TLL1: variants seen among roughly 807,000 people sequenced by gnomAD.
TLL1 encodes the protein tolloid like 1, also known as tolloid-like protein 1.
Under a neutral mutation model 128.2 loss-of-function variants are expected in TLL1, and 49 were observed. The observed-to-expected ratio is 0.38, with a 90% CI of 0.30 to 0.48. The LOEUF (loss-of-function observed/expected upper bound fraction) is 0.48, where lower values mean the gene tolerates loss of function less well. Among genes scored for constraint, TLL1 ranks in the 20% least tolerant of loss-of-function variants. The pLI is 0.96. For missense variants in TLL1, 1,123 were observed against 1,242.0 expected (o/e 0.90, Z 1.44); for synonymous variants, 454 against 418.8 (o/e 1.08, Z -1.03).
chr4:166,047,031 T>A (rs1159368897), intron 12 of TLL1, among the ~76,000 whole-genome samples: 5 of 152,228 alleles, frequency 3.3e-5, no homozygotes, highest in Non-Finnish European at 5.9e-5. Context: ...TTTATACATA[T>A]TTATGTTGAA....
chr4:166,071,537 T>A (rs2111132969), intron 16 of TLL1, among the ~76,000 whole-genome samples: 1 of 152,060 alleles, frequency 6.6e-6, no homozygotes, highest in Non-Finnish European at 1.5e-5. Flanking sequence ...TGTATGAAAA[T>A]GCCAGAAAAT....
chr4:166,029,168 A>G (rs554429641), intron 9 of TLL1, among the ~76,000 whole-genome samples: 1 of 150,808 alleles, frequency 6.6e-6, no homozygotes, highest in East Asian at 2.0e-4. Context: ...ATGTTTTTTT[A>G]TCATTTCGTA....
At chr4:165,900,585 G>T (rs1731937091) in intron 1 of TLL1, among the ~76,000 whole-genome samples, 1 of 152,180 alleles carries the variant, frequency 6.6e-6, no homozygotes, top group African/African-American at 2.4e-5. Context: ...TGGCTTGCAG[G>T]GTTTCTGCAG....
At chr4:166,046,560 T>G (rs927491079) in intron 12 of TLL1, among the ~76,000 whole-genome samples, 2 of 152,180 alleles carry the variant, frequency 1.3e-5, no homozygotes, top group Non-Finnish European at 2.9e-5. Flanking sequence ...AAAATTAATA[T>G]TTGCAGTGCC....
chr4:165,952,311 T>G (rs1378857201), intron 1 of TLL1, among the ~76,000 whole-genome samples: 1 of 152,202 alleles, frequency 6.6e-6, no homozygotes, highest in African/African-American at 2.4e-5. Flanking sequence ...GGATTCAGTA[T>G]AACTTTTAAA....
intron 7 of TLL1, among the ~76,000 whole-genome samples, chr4:166,010,915 A>T (rs1737663874): frequency 6.6e-6 from 1 of 151,006 alleles, no homozygotes; most frequent in South Asian, 2.1e-4. Context: ...TCATTTCCTA[A>T]TTGAGGAATC....
intron 1 of TLL1, among the ~76,000 whole-genome samples, chr4:165,911,770 T>A (rs1732542830): frequency 1.3e-5 from 2 of 152,194 alleles, no homozygotes; most frequent in South Asian, 4.1e-4. Context: ...TTGCCCCAGC[T>A]TGAATGTTTC....
intron 11 of TLL1, among the ~76,000 whole-genome samples, chr4:166,042,845 G>C (rs961817993): frequency 2.0e-5 from 3 of 152,104 alleles, no homozygotes; most frequent in Non-Finnish European, 1.5e-5. Flanking sequence ...CGGACGCTGC[G>C]CACATGACAC....
At chr4:165,977,370 A>G (rs931942367) in intron 1 of TLL1, among the ~76,000 whole-genome samples, 6 of 152,094 alleles carry the variant, frequency 3.9e-5, no homozygotes, top group African/African-American at 1.4e-4. Flanking sequence ...GCCTGCCTCC[A>G]TGTAAGATGT....
chr4:166,070,548 G>C (rs1312228142), intron 16 of TLL1, among the ~76,000 whole-genome samples: 1 of 151,840 alleles, frequency 6.6e-6, no homozygotes, highest in Non-Finnish European at 1.5e-5. Context: ...GTCTCCCTTG[G>C]GGAAAAATCT....
At chr4:166,094,095 T>C (rs1483355457) in intron 19 of TLL1, among the ~76,000 whole-genome samples, 1 of 152,182 alleles carries the variant, frequency 6.6e-6, no homozygotes, top group Non-Finnish European at 1.5e-5. Flanking sequence ...CAGTCATGTA[T>C]TGTGATCCAA....
At chr4:166,051,050 A>G (rs1739698107) in intron 12 of TLL1, among the ~76,000 whole-genome samples, 1 of 152,182 alleles carries the variant, frequency 6.6e-6, no homozygotes, top group African/African-American at 2.4e-5. Context: ...TGTTTACATT[A>G]TGATAAACTT....
At chr4:166,091,369 T>G (rs1192314977) in intron 19 of TLL1, 28 bp downstream of exon 19, 1 of 1,595,526 alleles carries the variant, frequency 6.3e-7, no homozygotes. Flanking sequence ...ATGCTTCTCT[T>G]TTTTGACTGA....
At chr4:166,063,286 A>G (rs1307400883) in intron 15 of TLL1, among the ~76,000 whole-genome samples, 1 of 152,182 alleles carries the variant, frequency 6.6e-6, no homozygotes, top group Non-Finnish European at 1.5e-5. Context: ...CAAAACCACA[A>G]TGAGATACCA....
intron 1 of TLL1, among the ~76,000 whole-genome samples, chr4:165,982,522 G>A (rs879858298): frequency 2.0e-4 from 31 of 151,658 alleles, no homozygotes; most frequent in Non-Finnish European, 3.2e-4. Context: ...TGCAGTGTGA[G>A]GTATTAACCA....
Position 165,873,921 on chromosome 4 carries a change from T to C in TLL1, c.17T>C (p.Leu6Pro). The C allele has an allele frequency of 1.2e-6, 2 of 1,614,056 alleles. No homozygotes were observed. The highest frequency in any genetic ancestry group is 1.7e-6 in the Non-Finnish European group (2 of 1,180,022). The change falls in exon 1 of 21, where the codon CTT (leucine) becomes CCT (proline). Residue 6 changes from leucine (L) to proline (P), a missense_variant. Coordinates refer to ENST00000061240, the MANE Select transcript of TLL1 (RefSeq NM_012464.5). Reference protein sequence around the residue: MGLGTLSPRMLVWLVA... With the variant: MGLGTPSPRMLVWLVA... The stretch of plus-strand genomic sequence containing the variant: ...GGGAGGAGGATGGGGTTGGGAACGC[T>C]TTCCCCGAGGATGCTCGTGTGGCTG...
At chr4:165,878,227 A>G (rs1246608251) in intron 1 of TLL1, among the ~76,000 whole-genome samples, 5 of 152,074 alleles carry the variant, frequency 3.3e-5, no homozygotes, top group African/African-American at 9.7e-5. Context: ...TTATTCCATC[A>G]TAATTTTAGA....
chr4:165,908,902 G>T (rs550923553), intron 1 of TLL1, among the ~76,000 whole-genome samples: 20 of 152,176 alleles, frequency 1.3e-4, no homozygotes, highest in Admixed American at 9.8e-4. Context: ...ACTGATTGTA[G>T]GGCTTGAAGA....
intron 12 of TLL1, among the ~76,000 whole-genome samples, chr4:166,054,106 G>C (rs983108663): frequency 1.3e-5 from 2 of 152,092 alleles, no homozygotes; most frequent in African/African-American, 2.4e-5. Context: ...TAAGGAAAGA[G>C]ATTGAGTTTC....
Sources: allele counts gnomAD v4.1 joint callset (sites outside exome capture counted in the v4.1 genomes callset), GRCh38; gene constraint gnomAD v4.1.1; transcripts MANE v1.5; gene names NCBI Gene and HGNC (gene_info 2026-07-23, HGNC 2026-07-21).